The following MAF variants were observed in gnomAD, a reference collection of about 807,000 sequenced individuals.
MAF encodes the protein transcription factor Maf.
MAF carries 10 observed loss-of-function variants against 22.0 expected under a neutral mutation model. The ratio of observed to expected loss-of-function variants is 0.45; its 90% CI spans 0.28 to 0.77. MAF has a LOEUF of 0.77. Ranked by LOEUF, MAF falls within the 30% of genes least tolerant of loss-of-function variation. The pLI is 0.12. For missense variants in MAF, 544 were observed against 548.4 expected (o/e 0.99, Z 0.08); for synonymous variants, 337 against 255.8 (o/e 1.32, Z -3.03).
the MAF span, among the ~76,000 whole-genome samples, chr16:79,336,056 T>C: frequency 9.9e-5 from 15 of 152,198 alleles, no homozygotes; most frequent in Non-Finnish European, 2.2e-4. Flanking sequence ...GCTAGGGCTA[T>C]GGAGTGAGGG....
At chr16:79,383,647 ATTATTT>A in the MAF span, among the ~76,000 whole-genome samples, 1 of 152,144 alleles carries the variant, frequency 6.6e-6, no homozygotes, top group East Asian at 1.9e-4. Flanking sequence ...GGTTTTGTGA[ATTATTT>A]TTATTATTAT....
chr16:79,520,196 CTCT>C, the MAF span, among the ~76,000 whole-genome samples: 4 of 152,358 alleles, frequency 2.6e-5, no homozygotes, highest in African/African-American at 2.4e-5. Context: ...CCAATGCCAG[CTCT>C]TCTTAGCAGC....
the MAF span, among the ~76,000 whole-genome samples, chr16:79,523,858 A>G: frequency 6.6e-6 from 1 of 152,228 alleles, no homozygotes; most frequent in Non-Finnish European, 1.5e-5. Context: ...TAGGTCAATA[A>G]CAGCCTCAAT....
chr16:79,337,433 G>T, the MAF span, among the ~76,000 whole-genome samples: 1 of 152,056 alleles, frequency 6.6e-6, no homozygotes, highest in African/African-American at 2.4e-5. Flanking sequence ...AGCCAGGTGT[G>T]GTGGCGCACC....
At chr16:79,353,028 GAC>G in the MAF span, among the ~76,000 whole-genome samples, 2 of 151,758 alleles carry the variant, frequency 1.3e-5, no homozygotes, top group African/African-American at 4.8e-5. Flanking sequence ...AGGGGAGAGA[GAC>G]ACAGTGATAG....
the MAF span, among the ~76,000 whole-genome samples, chr16:79,341,261 CCTCAGTTT>C: frequency 6.6e-6 from 1 of 152,032 alleles, no homozygotes; most frequent in Non-Finnish European, 1.5e-5. Context: ...ATGCCCTGTA[CCTCAGTTT>C]CTCCATCTAT....
the MAF span, among the ~76,000 whole-genome samples, chr16:79,261,488 A>C: frequency 2.6e-5 from 4 of 152,290 alleles, no homozygotes; most frequent in East Asian, 7.7e-4. Flanking sequence ...GAGCTTCTAC[A>C]TGGTAGCTAC....
the MAF span, chr16:79,211,594 T>A: frequency 6.2e-7 from 1 of 1,614,068 alleles, no homozygotes; most frequent in Non-Finnish European, 8.5e-7. Flanking sequence ...TTGTCTTTCT[T>A]CTTGGATTTC....
the MAF span, among the ~76,000 whole-genome samples, chr16:79,380,481 G>A: frequency 5.3e-5 from 8 of 152,180 alleles, no homozygotes; most frequent in Non-Finnish European, 1.2e-4. Context: ...TTATTTTACA[G>A]AGGAAAAGTG....
chr16:79,345,955 T>C, the MAF span, among the ~76,000 whole-genome samples: 4 of 152,082 alleles, frequency 2.6e-5, no homozygotes, highest in African/African-American at 4.8e-5. Flanking sequence ...TTGAATTTGA[T>C]CAATTTCATT....
At chr16:79,329,658 C>G in the MAF span, among the ~76,000 whole-genome samples, 2 of 152,072 alleles carry the variant, frequency 1.3e-5, no homozygotes, top group African/African-American at 2.4e-5. Context: ...CTCTAAACAC[C>G]CTTATCTCCC....
chr16:79,506,530 G>T, the MAF span, among the ~76,000 whole-genome samples: 972 of 152,362 alleles, frequency 6.4e-3, 10 homozygotes, highest in Non-Finnish European at 0.011. Flanking sequence ...CAGAGAGAAT[G>T]TGGGGAAGAC....
downstream of MAF, among the ~76,000 whole-genome samples, chr16:79,581,988 A>G (rs1912549269): frequency 6.6e-6 from 1 of 152,122 alleles, no homozygotes; most frequent in Non-Finnish European, 1.5e-5. Context: ...AGTGCTAATA[A>G]TTTTACTGTA....
chr16:79,341,728 G>C, the MAF span, among the ~76,000 whole-genome samples: 1 of 152,180 alleles, frequency 6.6e-6, no homozygotes, highest in Non-Finnish European at 1.5e-5. Flanking sequence ...TGGATTGCAA[G>C]GTTGAAGGAG....
chr16:79,221,794 G>C, the MAF span, among the ~76,000 whole-genome samples: 2 of 152,074 alleles, frequency 1.3e-5, no homozygotes, highest in African/African-American at 4.8e-5. Context: ...GATATCAGGA[G>C]TTTCAGAATT....
At chr16:79,492,881 T>C in the MAF span, among the ~76,000 whole-genome samples, 2 of 152,186 alleles carry the variant, frequency 1.3e-5, no homozygotes, top group East Asian at 3.9e-4. Context: ...GGTTAGTGAT[T>C]GGGAGGGCTA....
chr16:79,215,160 T>C, the MAF span, among the ~76,000 whole-genome samples: 1 of 152,176 alleles, frequency 6.6e-6, no homozygotes, highest in African/African-American at 2.4e-5. Context: ...CCCAGGAGTG[T>C]TTGATTTCAA....
chr16:79,523,218 C>T, the MAF span, among the ~76,000 whole-genome samples: 1 of 152,176 alleles, frequency 6.6e-6, no homozygotes, highest in East Asian at 1.9e-4. Context: ...TTTGACTCAT[C>T]TTCTAGCCAT....
chr16:79,313,443 A>G, the MAF span, among the ~76,000 whole-genome samples: 1 of 152,268 alleles, frequency 6.6e-6, no homozygotes, highest in African/African-American at 2.4e-5. Context: ...TGAGTTCCCC[A>G]GGCATCACCT....
Sources: gnomAD v4.1 joint callset for allele counts (sites outside exome capture counted in the v4.1 genomes callset) on GRCh38, gnomAD v4.1.1 for gene constraint, MANE v1.5 for transcripts, NCBI Gene and HGNC (gene_info 2026-07-23, HGNC 2026-07-21) for gene names.